The following PTGER3 variants were observed in gnomAD, a reference collection of about 807,000 sequenced individuals.
The protein encoded by PTGER3 is prostaglandin E2 receptor EP3 subtype.
Under a neutral mutation model 34.7 loss-of-function variants are expected in PTGER3, and 22 were observed. The observed-to-expected ratio is 0.63, with a 90% CI of 0.45 to 0.91. The LOEUF (loss-of-function observed/expected upper bound fraction) is 0.91. PTGER3 is among the 40% of genes least tolerant of loss of function. The pLI is 0.00. For missense variants in PTGER3, 468 were observed against 519.4 expected (o/e 0.90, Z 0.96); for synonymous variants, 241 against 230.1 (o/e 1.05, Z -0.43).
At position 70,971,322 on chromosome 1, in the gene PTGER3, T is replaced by G. The variant is rs1653055789; in HGVS notation, c.*408A>C. On this transcript the variant is annotated 3_prime_UTR_variant, in exon 4 of 4. Transcript: ENST00000306666. The stretch of plus-strand genomic sequence containing the variant: ...ATGTTGACTTTTCACCATCATAAGC[T>G]TATACTGATTTTTCAAACTCATATT... The G allele has an allele frequency of 7.1e-5, 70 of 991,570 alleles. No homozygotes were observed. The highest frequency in any genetic ancestry group is 8.4e-5 in the Non-Finnish European group (70 of 834,200). The allele number at this position is 991,570 out of a possible 1,614,324, so 61.4% of individuals were successfully genotyped here.
chr1:70,915,706 T>G (rs1021549522), intron 4 of PTGER3, among the ~76,000 whole-genome samples: 1 of 151,996 alleles, frequency 6.6e-6, no homozygotes, highest in Non-Finnish European at 1.5e-5. Flanking sequence ...ATTTTCTGAA[T>G]AGGGTGTCCT....
intron 1 of PTGER3, among the ~76,000 whole-genome samples, chr1:71,031,947 CAA>C (rs1259392943): frequency 6.6e-6 from 1 of 152,122 alleles, no homozygotes; most frequent in East Asian, 1.9e-4. Context: ...TTTTATAGAG[CAA>C]AAGCTAATAT....
intron 4 of PTGER3, among the ~76,000 whole-genome samples, chr1:70,876,452 A>G (rs549844441): frequency 6.6e-6 from 1 of 151,894 alleles, no homozygotes; most frequent in East Asian, 1.9e-4. Context: ...AAACAGATAA[A>G]CTAGAGAATG....
chr1:70,949,750 T>C (rs1027245831), downstream of PTGER3, among the ~76,000 whole-genome samples: 3 of 152,182 alleles, frequency 2.0e-5, no homozygotes, highest in African/African-American at 7.2e-5. Flanking sequence ...CACTGTTCAA[T>C]ACAACTTTCT....
intron 4 of PTGER3, among the ~76,000 whole-genome samples, chr1:70,899,832 G>GA (rs1049599527): frequency 6.6e-6 from 1 of 152,022 alleles, no homozygotes; most frequent in Non-Finnish European, 1.5e-5. Context: ...GATTAGGAGA[G>GA]AAAATAGATA....
At chr1:70,996,483 T>A (rs188002821) in intron 2 of PTGER3, among the ~76,000 whole-genome samples, 1 of 151,980 alleles carries the variant, frequency 6.6e-6, no homozygotes, top group Non-Finnish European at 1.5e-5. Flanking sequence ...GTTTTTGTTT[T>A]TGAGAAGGAG....
intron 2 of PTGER3, 61 bp downstream of exon 2, chr1:71,012,244 A>T (rs1480986592): frequency 1.9e-6 from 3 of 1,613,802 alleles, no homozygotes; most frequent in Middle Eastern, 3.3e-4. Context: ...ATTTCATTAG[A>T]TAATGAGATA....
intron 1 of PTGER3, among the ~76,000 whole-genome samples, chr1:71,023,123 T>G (rs1658573003): frequency 6.6e-6 from 1 of 151,772 alleles, no homozygotes; most frequent in Non-Finnish European, 1.5e-5. Flanking sequence ...CTACCCTCCT[T>G]ACCTTTAAAC....
intron 4 of PTGER3, among the ~76,000 whole-genome samples, chr1:70,894,298 A>G (rs763499731): frequency 5.8e-4 from 72 of 123,942 alleles, no homozygotes; most frequent in Non-Finnish European, 2.8e-4. Context: ...AACAAGAACA[A>G]AACTCCATCT....
chr1:70,957,702 C>T (rs1343648308), intron 2 of PTGER3, among the ~76,000 whole-genome samples: 1 of 152,068 alleles, frequency 6.6e-6, no homozygotes, highest in Non-Finnish European at 1.5e-5. Flanking sequence ...TGGTGACAAC[C>T]TTCAAAATCT....
At chr1:70,954,223 G>C (rs994671274) in intron 2 of PTGER3, among the ~76,000 whole-genome samples, 1 of 152,112 alleles carries the variant, frequency 6.6e-6, no homozygotes, top group African/African-American at 2.4e-5. Flanking sequence ...AAGGGCAGTG[G>C]ATATCTCTCA....
At chr1:71,003,101 C>T (rs1307218889) in intron 2 of PTGER3, among the ~76,000 whole-genome samples, 1 of 152,164 alleles carries the variant, frequency 6.6e-6, no homozygotes, top group Non-Finnish European at 1.5e-5. Flanking sequence ...ATTTTTCCCT[C>T]CAGAGAAATG....
intron 4 of PTGER3, among the ~76,000 whole-genome samples, chr1:70,908,482 G>A (rs1354737070): frequency 1.3e-5 from 2 of 152,190 alleles, no homozygotes; most frequent in African/African-American, 4.8e-5. Flanking sequence ...GGCTCCCAGA[G>A]TTTCCTCAGT....
At chr1:71,009,921 C>T in intron 2 of PTGER3, 1 of 985,188 alleles carries the variant, frequency 1.0e-6, no homozygotes, top group South Asian at 4.7e-5. Context: ...CATGAAAAGG[C>T]TGAAATCATT....
intron 2 of PTGER3, among the ~76,000 whole-genome samples, chr1:70,987,957 T>G (rs1027051207): frequency 5.3e-5 from 8 of 152,198 alleles, no homozygotes; most frequent in African/African-American, 1.9e-4. Flanking sequence ...TAAACAGCTC[T>G]CATTACGTAG....
intron 2 of PTGER3, among the ~76,000 whole-genome samples, chr1:70,984,079 A>C (rs1024368494): frequency 3.3e-5 from 5 of 152,162 alleles, no homozygotes; most frequent in African/African-American, 1.2e-4. Flanking sequence ...ATCGACACAA[A>C]TAGTAACATT....
At chr1:70,863,128 T>G (rs565601227) in intron 4 of PTGER3, among the ~76,000 whole-genome samples, 1 of 151,982 alleles carries the variant, frequency 6.6e-6, no homozygotes, top group South Asian at 2.1e-4. Context: ...TACAGTTGCA[T>G]CTAGTTGCTA....
intron 2 of PTGER3, among the ~76,000 whole-genome samples, chr1:70,980,908 T>C (rs1325067088): frequency 6.6e-6 from 1 of 152,118 alleles, no homozygotes; most frequent in Non-Finnish European, 1.5e-5. Context: ...GCTCAAGCAA[T>C]AGGTTAGCCA....
chr1:71,046,806 A>T lies in PTGER3; in HGVS notation c.772T>A (p.Ser258Thr). 3.1e-6 allele frequency: 5 copies of T among 1,614,084 alleles called. No individual in the cohort carries two copies. The highest frequency in any genetic ancestry group is 4.2e-6 in the Non-Finnish European group (5 of 1,180,046). Residue 258 changes from serine (S) to threonine (T), a missense_variant, in exon 1 of 4, where the codon TCC becomes ACC. Coordinates refer to ENST00000306666, the MANE Select transcript of PTGER3 (RefSeq NM_198719.2). ...CNLATIKALV[S>T]RCRAKATASQ... ...GCCGTGGCCTTGGCCCGGCAGCGGG[A>T]CACCAGGGCCTTAATGGTGGCCAGG...
Sources: gnomAD v4.1 joint callset for allele counts (sites outside exome capture counted in the v4.1 genomes callset) on GRCh38, gnomAD v4.1.1 for gene constraint, MANE v1.5 for transcripts, NCBI Gene and HGNC (gene_info 2026-07-23, HGNC 2026-07-21) for gene names.